FHIT: variants seen among roughly 807,000 people sequenced by gnomAD.
The protein encoded by FHIT is fragile histidine triad diadenosine triphosphatase, also known as bis(5'-adenosyl)-triphosphatase.
A neutral mutation model predicts 17.9 loss-of-function variants in FHIT; 19 were observed. The ratio of observed to expected loss-of-function variants is 1.06; its 90% CI spans 0.74 to 1.56. FHIT has a LOEUF of 1.56. FHIT is among the 40% of genes most tolerant of loss of function. The pLI is 0.00. For missense variants in FHIT, 248 were observed against 189.2 expected, an observed-to-expected ratio of 1.31 and a Z score of -1.82; for synonymous variants, 81 against 69.7, an observed-to-expected ratio of 1.16 and a Z score of -0.81.
At chr3:61,250,520 G>C (rs1028306013) in intron 1 of FHIT, among the ~76,000 whole-genome samples, 6 of 152,200 alleles carry the variant, frequency 3.9e-5, no homozygotes, top group African/African-American at 1.4e-4. Context: ...TGACCTGGGA[G>C]CATTGAGCTC....
chr3:60,700,932 G>A (rs1187446217), intron 4 of FHIT, among the ~76,000 whole-genome samples: 2 of 152,006 alleles, frequency 1.3e-5, no homozygotes, highest in Non-Finnish European at 2.9e-5. Context: ...TATGTCATCA[G>A]TGTCTAAGAA....
chr3:60,235,139 T>G (rs1042602849), intron 5 of FHIT, among the ~76,000 whole-genome samples: 2 of 152,048 alleles, frequency 1.3e-5, no homozygotes, highest in Non-Finnish European at 2.9e-5. Flanking sequence ...CAAAAACAAC[T>G]AAAACATGGC....
intron 5 of FHIT, among the ~76,000 whole-genome samples, chr3:60,032,308 T>C (rs1274473120): frequency 6.6e-6 from 1 of 151,948 alleles, no homozygotes; most frequent in Non-Finnish European, 1.5e-5. Flanking sequence ...AAAAATTAGC[T>C]GGGCATAGTG....
rs544516111 is a variant in FHIT at position 61,211,573 on chromosome 3, G to A, written c.-212-10908C>T. 4.6e-5 allele frequency among the ~76,000 whole-genome samples: 7 copies of A among 152,326 alleles called. No homozygotes were observed. The East Asian group carries it at 9.7e-4, about 21-fold the overall frequency. On this transcript the variant is annotated intron_variant, in intron 1 of 9. Coordinates refer to ENST00000492590, the MANE Select transcript of FHIT (RefSeq NM_002012.4). The stretch of plus-strand genomic sequence containing the variant: ...GCCTCTGTGGGCTCCACCTCTGGGG[G>A]CAGGGCACAGACAAACAAAAAGACA...
intron 1 of FHIT, among the ~76,000 whole-genome samples, chr3:61,241,364 C>T (rs1381196898): frequency 1.3e-5 from 2 of 152,150 alleles, no homozygotes; most frequent in Non-Finnish European, 2.9e-5. Context: ...ACTGACAAAA[C>T]CAAGCAGGTA....
intron 5 of FHIT, among the ~76,000 whole-genome samples, chr3:60,220,682 G>A (rs1318154111): frequency 1.3e-5 from 2 of 152,086 alleles, no homozygotes; most frequent in Non-Finnish European, 2.9e-5. Flanking sequence ...GGCTAAAGGA[G>A]GACAAGAAAA....
At chr3:60,072,535 A>G (rs1702823194) in intron 5 of FHIT, among the ~76,000 whole-genome samples, 1 of 152,250 alleles carries the variant, frequency 6.6e-6, no homozygotes, top group South Asian at 2.1e-4. Context: ...GCACTGTTTT[A>G]CACATTCCAT....
intron 8 of FHIT, among the ~76,000 whole-genome samples, chr3:59,834,892 T>C (rs17061245): frequency 0.01 from 1,524 of 152,338 alleles, 29 homozygotes; most frequent in African/African-American, 0.034. Flanking sequence ...TTTAATCAAA[T>C]CATTAGCAGT....
At chr3:60,684,618 C>G (rs1201667356) in intron 4 of FHIT, among the ~76,000 whole-genome samples, 8 of 152,096 alleles carry the variant, frequency 5.3e-5, no homozygotes, top group Admixed American at 5.2e-4. Flanking sequence ...GCCAGGGTCT[C>G]TTCCAAGGAG....
intron 4 of FHIT, among the ~76,000 whole-genome samples, chr3:60,738,690 T>C (rs983470708): frequency 6.6e-6 from 1 of 152,154 alleles, no homozygotes; most frequent in African/African-American, 2.4e-5. Flanking sequence ...ACCAAGTGGA[T>C]GCAGATAATA....
intron 5 of FHIT, among the ~76,000 whole-genome samples, chr3:60,278,272 T>G (rs1358046122): frequency 1.3e-5 from 2 of 152,200 alleles, no homozygotes; most frequent in Non-Finnish European, 2.9e-5. Flanking sequence ...GTAACCATTT[T>G]GGAAGTTTCC....
At chr3:61,044,153 G>T (rs2033666265) in intron 2 of FHIT, among the ~76,000 whole-genome samples, 2 of 152,128 alleles carry the variant, frequency 1.3e-5, no homozygotes, top group African/African-American at 4.8e-5. Flanking sequence ...TTGAGAGAAG[G>T]CTTCAGACGA....
chr3:61,190,452 G>A (rs551589763), intron 2 of FHIT, among the ~76,000 whole-genome samples: 2 of 152,200 alleles, frequency 1.3e-5, no homozygotes, highest in Non-Finnish European at 2.9e-5. Context: ...AGAGGATGTG[G>A]AGAAATAGGA....
At chr3:61,210,468 C>T (rs2039425261) in intron 1 of FHIT, among the ~76,000 whole-genome samples, 1 of 152,250 alleles carries the variant, frequency 6.6e-6, no homozygotes, top group African/African-American at 2.4e-5. Context: ...AGCGAGCTTC[C>T]TGGTCTCTTT....
chr3:60,344,781 C>T (rs567382374), intron 5 of FHIT, among the ~76,000 whole-genome samples: 2 of 152,204 alleles, frequency 1.3e-5, no homozygotes, highest in East Asian at 1.9e-4. Flanking sequence ...TATTCTAACA[C>T]TCTTTGGAAA....
intron 5 of FHIT, among the ~76,000 whole-genome samples, chr3:60,080,533 T>G (rs906120454): frequency 6.6e-6 from 1 of 152,158 alleles, no homozygotes; most frequent in African/African-American, 2.4e-5. Flanking sequence ...TATTTTTTCA[T>G]TCTTTATTCA....
intron 4 of FHIT, among the ~76,000 whole-genome samples, chr3:60,688,628 C>T (rs2040915277): frequency 6.6e-6 from 1 of 151,858 alleles, no homozygotes; most frequent in Admixed American, 6.6e-5. Flanking sequence ...GTTGGGGTTT[C>T]TCCATATTGG....
At chr3:60,296,034 CT>C (rs1444498691) in intron 5 of FHIT, among the ~76,000 whole-genome samples, 4 of 152,230 alleles carry the variant, frequency 2.6e-5, no homozygotes, top group East Asian at 3.9e-4. Context: ...GGAGTTTCCC[CT>C]TTCGCTTGGC....
At chr3:59,765,193 G>A (rs979615654) in intron 8 of FHIT, among the ~76,000 whole-genome samples, 1 of 152,180 alleles carries the variant, frequency 6.6e-6, no homozygotes, top group Admixed American at 6.5e-5. Flanking sequence ...TCTCACCTCA[G>A]TGCCACTCAA....
Sources: allele counts gnomAD v4.1 joint callset (sites outside exome capture counted in the v4.1 genomes callset), GRCh38; gene constraint gnomAD v4.1.1; transcripts MANE v1.5; gene names NCBI Gene and HGNC (gene_info 2026-07-23, HGNC 2026-07-21).